The following DOCK8 variants were observed in gnomAD, a reference collection of about 807,000 sequenced individuals.
DOCK8 encodes the protein dedicator of cytokinesis 8, also known as dedicator of cytokinesis protein 8.
Under a neutral mutation model 245.6 loss-of-function variants are expected in DOCK8, and 141 were observed. That is an observed-to-expected ratio of 0.57 (90% CI 0.50 to 0.66). DOCK8 has a LOEUF of 0.66. Among genes scored for constraint, DOCK8 ranks in the 30% least tolerant of loss-of-function variants. The pLI, the probability that DOCK8 is intolerant of heterozygous loss-of-function variation, is 0.00. For synonymous variants in DOCK8, 1,168 were observed against 970.2 expected (o/e 1.20, Z -3.79); for missense variants, 2,965 against 2,603.4 (o/e 1.14, Z -3.02).
At chr9:311,879 A>T in intron 5 of DOCK8, 75 bp from the exon 6 acceptor site, 1 of 1,563,112 alleles carries the variant, frequency 6.4e-7, no homozygotes, top group Non-Finnish European at 8.7e-7. Context: ...AGCAGTCTTG[A>T]GACATCCAAG....
rs187775440 is a variant in DOCK8, at chr9:282,095, A to G, written c.157-4366A>G. Among the ~76,000 whole-genome samples, 12 of 152,288 alleles carry G rather than the reference A, an allele frequency of 7.9e-5. No homozygotes were observed. In the East Asian group the frequency reaches 2.1e-3, roughly 27 times the overall value. On this transcript the variant is annotated intron_variant, in intron 2 of 47. Coordinates refer to ENST00000432829, the MANE Select transcript of DOCK8 (RefSeq NM_203447.4). ...TGCTTAATGATGATATATGTTCTTT[A>G]TCAAATTCCCCCCACCAAATAATGG...
chr9:387,307 A>G (rs2053996758), intron 23 of DOCK8, among the ~76,000 whole-genome samples: 1 of 152,030 alleles, frequency 6.6e-6, no homozygotes, highest in African/African-American at 2.4e-5. Flanking sequence ...GCCGGGCATG[A>G]TGGCAGGCAC....
chr9:285,023 T>G (rs2048755634), intron 2 of DOCK8, among the ~76,000 whole-genome samples: 1 of 151,978 alleles, frequency 6.6e-6, no homozygotes, highest in Admixed American at 6.6e-5. Flanking sequence ...ATAAAATAAT[T>G]GTACAACAAA....
At chr9:220,902 G>C (rs1286445807) in intron 1 of DOCK8, 1 of 274,320 alleles carries the variant, frequency 3.6e-6, no homozygotes, top group African/African-American at 2.3e-5. Flanking sequence ...TGTATTTTTA[G>C]TAGAGATGGG....
At chr9:270,566 GA>G (rs145391963) in intron 1 of DOCK8, among the ~76,000 whole-genome samples, 1,890 of 152,292 alleles carry the variant, frequency 0.012, 36 homozygotes, top group African/African-American at 0.043. Context: ...AACCATGTAG[GA>G]AACCTCATCA....
At chr9:408,452 T>C (rs571286058) in intron 28 of DOCK8, among the ~76,000 whole-genome samples, 1 of 152,320 alleles carries the variant, frequency 6.6e-6, no homozygotes, top group South Asian at 2.1e-4. Context: ...CAATTCTATC[T>C]TCTCTTCTCA....
chr9:236,827 C>T (rs77490619), intron 1 of DOCK8, among the ~76,000 whole-genome samples: 10,035 of 152,230 alleles, frequency 0.066, 330 homozygotes, highest in African/African-American at 0.081. Context: ...TTGTGACTTT[C>T]AGATTATGTT....
At chr9:270,600 C>A (rs1293091888) in intron 1 of DOCK8, among the ~76,000 whole-genome samples, 1 of 152,170 alleles carries the variant, frequency 6.6e-6, no homozygotes, top group African/African-American at 2.4e-5. Context: ...AATAAGTATG[C>A]CCTAGCACAC....
At chr9:405,379 C>A (rs888509190) in intron 27 of DOCK8, among the ~76,000 whole-genome samples, 2 of 152,076 alleles carry the variant, frequency 1.3e-5, no homozygotes, top group Non-Finnish European at 2.9e-5. Context: ...TGACATTAGC[C>A]AATTGTTATA....
rs1223609550 is a variant in DOCK8 at position 312,061 on chromosome 9, C to G, written c.636C>G (p.Asn212Lys). Residue 212 changes from asparagine (N) to lysine (K), a missense_variant, in exon 6 of 48, where the codon AAC becomes AAG. Asn to Lys is a moderately conservative substitution (Grantham distance 94). Around this residue, in one of 3 missense-constraint regions of DOCK8, gnomAD observed 2,825 missense variants for 2,453.5 expected, o/e 1.15. Coordinates refer to ENST00000432829, the MANE Select transcript of DOCK8 (RefSeq NM_203447.4). ...TGCAGCCTGACAAGCGGCTAGAAAA[C>G]CTCCTGCAGCAAGTGAGTGCCGAGG... ...RSLQPDKRLE[N>K]LLQQVSAEDF... The G allele has an allele frequency of 6.2e-7, 1 of 1,614,202 alleles. No individual in the cohort carries two copies. Among genetic ancestry groups the G allele is most frequent in the Non-Finnish European group, 8.5e-7 (1 of 1,180,030 alleles).
At chr9:448,261 T>G (rs1277666350) in intron 44 of DOCK8, among the ~76,000 whole-genome samples, 2 of 152,138 alleles carry the variant, frequency 1.3e-5, no homozygotes, top group Admixed American at 6.6e-5. Flanking sequence ...CCCAGCTAAT[T>G]AAAAATACAG....
chr9:343,446 C>T (rs1045534466), intron 14 of DOCK8, among the ~76,000 whole-genome samples: 15 of 151,570 alleles, frequency 9.9e-5, no homozygotes, highest in Non-Finnish European at 2.1e-4. Context: ...CCTTGTGCCA[C>T]TGCTCTCCAA....
intron 14 of DOCK8, among the ~76,000 whole-genome samples, chr9:367,667 A>G (rs981731194): frequency 2.0e-5 from 3 of 152,232 alleles, no homozygotes; most frequent in African/African-American, 4.8e-5. Context: ...ATCTATGGCC[A>G]TGAGTTTTAT....
intron 22 of DOCK8, among the ~76,000 whole-genome samples, chr9:384,688 G>A (rs1464260717): frequency 6.6e-6 from 1 of 152,100 alleles, no homozygotes; most frequent in Non-Finnish European, 1.5e-5. Context: ...AGGCTGAGGC[G>A]GGCAGATCAC....
In DOCK8 at chr9:312,121, C is replaced by T. The variant is rs772886919; in HGVS notation, c.696C>T (p.Thr232=). 1.3e-5 allele frequency: 21 copies of T among 1,614,076 alleles called. No individual in the cohort carries two copies. The African/African-American group carries it at 2.5e-4, about 19-fold the overall frequency. Residue 232 remains threonine, a synonymous_variant, in exon 6 of 48, where the codon ACC becomes ACT. Transcript: ENST00000432829. ...FEKQNEEARR[T]NRQAELFALY... ...AGCAGAACGAGGAGGCCCGGAGGAC[C>T]AATAGGCAGGCCGAGCTCTTTGCCC...
At position 434,901 on chromosome 9, in the gene DOCK8, G is replaced by A. The variant is rs775659874; in HGVS notation, c.5005G>A (p.Ala1669Thr). Residue 1669 changes from alanine (A) to threonine (T), a missense_variant, in exon 39 of 48, where the codon GCT (alanine) becomes ACT (threonine). This residue lies in a region of DOCK8 where 2,825 missense variants were observed against 2,453.5 expected (regional missense o/e 1.15). Coordinates refer to ENST00000432829, the MANE Select transcript of DOCK8 (RefSeq NM_203447.4). ...TEAAMCLVHA[A>T]ALVAEYLSML... ...GGCTGCCATGTGCCTGGTGCACGCC[G>A]CTGCGTTAGTGGCTGAGTATCTGAG... is the stretch of plus-strand genomic sequence containing the variant. 12 of 1,613,728 alleles carry A rather than the reference G, an allele frequency of 7.4e-6. No homozygotes were observed. Among genetic ancestry groups the A allele is most frequent in the Admixed American group, 1.7e-5 (1 of 59,996 alleles).
chr9:388,851 G>C (rs542419897), intron 23 of DOCK8, among the ~76,000 whole-genome samples: 23 of 152,274 alleles, frequency 1.5e-4, no homozygotes, highest in African/African-American at 5.5e-4. Flanking sequence ...AACACACCTA[G>C]CCCTCTGTGG....
chr9:444,253 G>C (rs892457078), intron 43 of DOCK8, among the ~76,000 whole-genome samples: 3 of 151,780 alleles, frequency 2.0e-5, no homozygotes, highest in African/African-American at 7.3e-5. Context: ...GGGACCCCCA[G>C]GCCAGCCACG....
chr9:262,316 C>G (rs1413339681), intron 1 of DOCK8, among the ~76,000 whole-genome samples: 1 of 151,632 alleles, frequency 6.6e-6, no homozygotes. Context: ...AACACTTTAA[C>G]TGGTCATTTA....
Sources: allele counts gnomAD v4.1 joint callset (sites outside exome capture counted in the v4.1 genomes callset), GRCh38; gene constraint gnomAD v4.1.1; regional missense constraint gnomAD v4.1.1; transcripts MANE v1.5; gene names NCBI Gene and HGNC (gene_info 2026-07-23, HGNC 2026-07-21).